The following TDRD12 variants were observed in gnomAD, a reference collection of about 807,000 sequenced individuals.
TDRD12 encodes putative ATP-dependent RNA helicase TDRD12.
In TDRD12, 158 loss-of-function variants were observed where a neutral mutation model predicts 133.5. That is an observed-to-expected ratio of 1.18 (90% CI 1.04 to 1.35). The LOEUF (loss-of-function observed/expected upper bound fraction) is 1.35. TDRD12 is among the 40% of genes most tolerant of loss of function. The pLI is 0.00. For missense variants in TDRD12, 1,443 were observed against 1,321.3 expected (o/e 1.09, Z -1.43); for synonymous variants, 460 against 477.9 (o/e 0.96, Z 0.49).
downstream of TDRD12, chr19:32,821,369 AGTGTGTGTGTGTGTGT>A (rs59054756): frequency 1.4e-4 from 48 of 351,462 alleles, no homozygotes; most frequent in African/African-American, 5.2e-4. Flanking sequence ...AGCTCAGCAG[AGTGTGTGTGTGTGTGT>A]GTGTGTGTGT....
chr19:32,788,482 T>C (rs188754827), intron 11 of TDRD12, among the ~76,000 whole-genome samples: 6 of 152,298 alleles, frequency 3.9e-5, no homozygotes, highest in Admixed American at 6.5e-5. Flanking sequence ...ATTTCTAATA[T>C]CACGTTTTTA....
exon 14 of TDRD12, chr19:32,794,692 C>T (rs1428641469): frequency 1.6e-5 from 11 of 702,962 alleles, no homozygotes; most frequent in South Asian, 7.4e-5. Context: ...CCTCCCATAG[C>T]GCGTGGCTGT....
intron 2 of TDRD12, among the ~76,000 whole-genome samples, chr19:32,735,745 G>T (rs180878211): frequency 1.3e-5 from 2 of 152,298 alleles, no homozygotes; most frequent in Non-Finnish European, 2.9e-5. Context: ...TGAGGTGGGT[G>T]GATCACCTAA....
At chr19:32,828,766 C>T (rs1967666677) in exon 10 of TDRD12, 1 of 152,262 alleles carries the variant, frequency 6.6e-6, no homozygotes, top group Non-Finnish European at 1.5e-5. Flanking sequence ...TAAAATGAGA[C>T]ATCCCCTCAT....
chr19:32,811,352 C>T (rs1966998298), exon 24 of TDRD12: 2 of 1,536,014 alleles, frequency 1.3e-6, no homozygotes, highest in Non-Finnish European at 1.7e-6. Context: ...CACACTTCCC[C>T]CGCAGGCTGT....
intron 1 of TDRD12, among the ~76,000 whole-genome samples, chr19:32,730,422 A>T (rs892112780): frequency 1.1e-4 from 16 of 152,018 alleles, no homozygotes; most frequent in African/African-American, 3.9e-4. Flanking sequence ...AATCTCCTTC[A>T]GGTTCTGCTT....
At chr19:32,825,981 T>G (rs1431877225), downstream of TDRD12, 8 of 681,986 alleles carry the variant, frequency 1.2e-5, no homozygotes, top group Non-Finnish European at 1.9e-5. The surrounding 1 kb of genome is among the most constrained non-coding windows in gnomAD (Gnocchi z 4.1). Flanking sequence ...TTTACACTTT[T>G]ATGTGATTCC....
intron 9 of TDRD12, 34 bp downstream of exon 32, chr19:32,826,783 G>T (rs1568503652): frequency 7.4e-6 from 9 of 1,220,008 alleles, no homozygotes; most frequent in African/African-American, 1.6e-5. Context: ...CCGAGGGGTT[G>T]TAGGTTCTGA....
chr19:32,764,180 A>G (rs2145573650), intron 8 of TDRD12, among the ~76,000 whole-genome samples: 1 of 126,902 alleles, frequency 7.9e-6, no homozygotes, highest in East Asian at 2.3e-4. Context: ...GCACAATCTC[A>G]GCTTACTGCA....
At chr19:32,807,810 G>T (rs531750857) in intron 22 of TDRD12, among the ~76,000 whole-genome samples, 162 bp downstream of exon 22, 3 of 152,136 alleles carry the variant, frequency 2.0e-5, no homozygotes, top group African/African-American at 7.2e-5. Context: ...CTTACAAGGC[G>T]CCTTATTTCA....
At chr19:32,719,949 A>G in exon 1 of TDRD12, 4 of 1,237,516 alleles carry the variant, frequency 3.2e-6, no homozygotes, top group Non-Finnish European at 3.4e-6. Context: ...CCCAGGCGCT[A>G]AAGGTGGAGG....
At chr19:32,778,605 T>G (rs1489551138) in intron 11 of TDRD12, among the ~76,000 whole-genome samples, 1 of 152,146 alleles carries the variant, frequency 6.6e-6, no homozygotes, top group Non-Finnish European at 1.5e-5. Flanking sequence ...GTTCAAGCAA[T>G]TCTCCTGCCT....
chr19:32,746,335 T>C (rs1969626275), intron 4 of TDRD12, among the ~76,000 whole-genome samples: 1 of 119,068 alleles, frequency 8.4e-6, no homozygotes, highest in African/African-American at 3.3e-5. Flanking sequence ...ATGTGGTTAT[T>C]CTGTGTGTGA....
chr19:32,733,451 C>G (rs1969122595), intron 2 of TDRD12, among the ~76,000 whole-genome samples: 1 of 141,454 alleles, frequency 7.1e-6, no homozygotes, highest in African/African-American at 2.7e-5. Context: ...GCCTAGGCAA[C>G]AAGAGTGAAA....
At chr19:32,798,570 ATAAT>A in intron 16 of TDRD12, 135 bp downstream of exon 16, 1 of 549,884 alleles carries the variant, frequency 1.8e-6, no homozygotes, top group Non-Finnish European at 2.9e-6. Flanking sequence ...TTTAACTTCT[ATAAT>A]TAAGAAGAAA....
chr19:32,746,004 GAGAGA>G (rs1224716188), intron 4 of TDRD12, among the ~76,000 whole-genome samples: 2 of 150,868 alleles, frequency 1.3e-5, no homozygotes, highest in Non-Finnish European at 1.5e-5. Flanking sequence ...GTGTGTGAGA[GAGAGA>G]AGGAGAGAGA....
intron 10 of TDRD12, among the ~76,000 whole-genome samples, chr19:32,776,295 T>C (rs1437565921): frequency 1.3e-5 from 2 of 152,186 alleles, no homozygotes; most frequent in Non-Finnish European, 2.9e-5. Flanking sequence ...CACGCAGTCT[T>C]TGGACCACAG....
At chr19:32,815,279 A>T (rs888053612) in intron 25 of TDRD12, among the ~76,000 whole-genome samples, 169 bp from the exon 26 acceptor site, 1 of 152,244 alleles carries the variant, frequency 6.6e-6, no homozygotes, top group Non-Finnish European at 1.5e-5. Flanking sequence ...AACCTCAGGT[A>T]GGAAGCAATC....
chr19:32,780,308 A>G (rs546057270), intron 11 of TDRD12, among the ~76,000 whole-genome samples: 12 of 150,836 alleles, frequency 8.0e-5, no homozygotes, highest in Non-Finnish European at 1.6e-4. Flanking sequence ...CTGGTCTCGA[A>G]CTCCTGACCT....
Sources: allele counts gnomAD v4.1 joint callset (sites outside exome capture counted in the v4.1 genomes callset), GRCh38; gene constraint gnomAD v4.1.1; non-coding constraint Gnocchi (gnomAD v3.1); transcripts MANE v1.5; gene names NCBI Gene and HGNC (gene_info 2026-07-23, HGNC 2026-07-21).